The following ROBO2 variants were observed in gnomAD, a reference collection of about 807,000 sequenced individuals.
ROBO2 encodes the protein roundabout guidance receptor 2.
Under a neutral mutation model 160.8 loss-of-function variants are expected in ROBO2, and 53 were observed. The observed-to-expected ratio is 0.33, with a 90% confidence interval of 0.26 to 0.41. ROBO2 has a LOEUF of 0.41. Ranked by LOEUF, ROBO2 falls within the 10% of genes least tolerant of loss-of-function variation. The pLI, the probability that ROBO2 is intolerant of heterozygous loss-of-function variation, is 1.00. For missense variants in ROBO2, 1,577 were observed against 1,722.4 expected, an observed-to-expected ratio of 0.92 and a Z score of 1.49; for synonymous variants, 664 against 611.7, an observed-to-expected ratio of 1.09 and a Z score of -1.26.
At chr3:76,695,206 A>T (rs1021638150) in intron 2 of ROBO2, among the ~76,000 whole-genome samples, 1 of 152,172 alleles carries the variant, frequency 6.6e-6, no homozygotes, top group African/African-American at 2.4e-5. Context: ...TTGGGCACAG[A>T]TAATGAACCC....
At chr3:76,374,135 T>G (rs1255300502) in intron 2 of ROBO2, among the ~76,000 whole-genome samples, 1 of 151,924 alleles carries the variant, frequency 6.6e-6, no homozygotes, top group African/African-American at 2.4e-5. Context: ...AAACTTGTAT[T>G]CAATATATGG....
At chr3:77,361,342 T>A (rs1313250996) in intron 2 of ROBO2, among the ~76,000 whole-genome samples, 1 of 152,192 alleles carries the variant, frequency 6.6e-6, no homozygotes, top group Non-Finnish European at 1.5e-5. Context: ...TTCACTATTT[T>A]TTTCTTTGTT....
intron 2 of ROBO2, among the ~76,000 whole-genome samples, chr3:76,692,767 C>G (rs2092829590): frequency 6.6e-6 from 1 of 151,772 alleles, no homozygotes; most frequent in Admixed American, 6.6e-5. Flanking sequence ...ATGCATAATC[C>G]AAGTCACTTT....
rs550019729 is a variant in ROBO2 at position 76,798,884 on chromosome 3, C to A, written c.110-299130C>A. ...CTCCAACCTGGGTGACAGAGTGAGA[C>A]CTTTTCTAAACAACAACAACAACAA... On this transcript the variant is annotated intron_variant, in intron 2 of 26. Coordinates refer to the ROBO2 transcript ENST00000487694. 7.1e-3 allele frequency among the ~76,000 whole-genome samples: 890 copies of A among 125,258 alleles called. 10 individuals carry two copies. Among genetic ancestry groups the A allele is most frequent in the African/African-American group, 0.028 (846 of 30,396 alleles). 82.2% of individuals were successfully genotyped at this position (125,258 alleles called of 152,430 possible).
chr3:77,476,368 ATG>A (rs60219148), intron 2 of ROBO2, among the ~76,000 whole-genome samples: 4,381 of 144,012 alleles, frequency 0.03, 159 homozygotes, highest in African/African-American at 0.095. Flanking sequence ...GTCTGTGGGT[ATG>A]TGTGTGTGTG....
intron 2 of ROBO2, among the ~76,000 whole-genome samples, chr3:76,623,131 T>C (rs1166690247): frequency 6.6e-6 from 1 of 152,228 alleles, no homozygotes; most frequent in Non-Finnish European, 1.5e-5. Flanking sequence ...CACTTGCGAC[T>C]GAATAACAAA....
At chr3:75,982,016 A>G (rs930456654) in intron 2 of ROBO2, among the ~76,000 whole-genome samples, 1 of 151,536 alleles carries the variant, frequency 6.6e-6, no homozygotes, top group Admixed American at 6.6e-5. Context: ...AATTGAGAAC[A>G]TGTGATGTTT....
intron 2 of ROBO2, among the ~76,000 whole-genome samples, chr3:76,657,829 ATGTATATG>A: frequency 6.8e-6 from 1 of 147,980 alleles, no homozygotes; most frequent in East Asian, 2.0e-4. Flanking sequence ...GTGTATATAT[ATGTATATG>A]TGTATATGTA....
At chr3:76,912,790 C>G (rs2076070748) in intron 2 of ROBO2, among the ~76,000 whole-genome samples, 1 of 152,054 alleles carries the variant, frequency 6.6e-6, no homozygotes, top group Non-Finnish European at 1.5e-5. Flanking sequence ...GCAAAGAAAA[C>G]TTTTAAACAA....
chr3:77,377,346 T>C (rs2072828262), intron 2 of ROBO2, among the ~76,000 whole-genome samples: 1 of 152,194 alleles, frequency 6.6e-6, no homozygotes, highest in Admixed American at 6.5e-5. Flanking sequence ...TTTTGTGAAA[T>C]ACACCAACAA....
At chr3:76,653,976 T>A (rs1461495798) in intron 2 of ROBO2, among the ~76,000 whole-genome samples, 2 of 152,144 alleles carry the variant, frequency 1.3e-5, no homozygotes, top group Non-Finnish European at 2.9e-5. Context: ...AGGCAAGGCT[T>A]CCAAACTGAG....
intron 2 of ROBO2, among the ~76,000 whole-genome samples, chr3:76,631,805 G>A (rs2090048393): frequency 6.6e-6 from 1 of 152,164 alleles, no homozygotes; most frequent in Non-Finnish European, 1.5e-5. Context: ...ATGAAGAGGA[G>A]GAGTAGATAA....
chr3:76,137,404 AC>A (rs929963442), intron 2 of ROBO2, among the ~76,000 whole-genome samples: 34 of 152,052 alleles, frequency 2.2e-4, no homozygotes, highest in Admixed American at 5.9e-4. Context: ...TTGTTCTCAT[AC>A]AGTTGTGGAC....
chr3:76,167,406 G>T (rs139887488), intron 2 of ROBO2, among the ~76,000 whole-genome samples: 1 of 152,136 alleles, frequency 6.6e-6, no homozygotes, highest in African/African-American at 2.4e-5. Context: ...GGAACCAGCC[G>T]TTCTGTTAAG....
Position 77,250,156 on chromosome 3 carries a change from G to C in ROBO2, c.388+151816G>C, listed in dbSNP as rs150385187. Among the ~76,000 whole-genome samples, 915 of 152,200 alleles carry C rather than the reference G, an allele frequency of 6.0e-3. 5 individuals are homozygous for C. Among genetic ancestry groups the C allele is most frequent in the African/African-American group, 0.019 (799 of 41,526 alleles). On this transcript the variant is annotated intron_variant, in intron 2 of 25. Coordinates refer to ENST00000461745, the Ensembl canonical transcript of ROBO2. ...AGAATAACATATTAATTTAAATCTA[G>C]AAAGGCCTAGAACTGAATTCTGTCT...
At chr3:77,611,175 G>A (rs998219476) in intron 21 of ROBO2, among the ~76,000 whole-genome samples, 8 of 151,992 alleles carry the variant, frequency 5.3e-5, no homozygotes, top group Non-Finnish European at 1.2e-4. Flanking sequence ...GCGGCCGCCT[G>A]TAGTCCCAGC....
chr3:76,740,597 C>CT (rs2093786293), intron 2 of ROBO2, among the ~76,000 whole-genome samples: 1 of 152,078 alleles, frequency 6.6e-6, no homozygotes, highest in Non-Finnish European at 1.5e-5. Context: ...AAAGCTTTGA[C>CT]TTTGATGACT....
At position 76,846,117 on chromosome 3, in the gene ROBO2, G is replaced by A. The variant is rs531671818; in HGVS notation, c.110-251897G>A. Among the ~76,000 whole-genome samples, 14 of 152,182 alleles carry A rather than the reference G, an allele frequency of 9.2e-5. No homozygotes were observed. In the East Asian group the frequency reaches 2.7e-3, roughly 29 times the overall value. The stretch of plus-strand genomic sequence containing the variant: ...TTGATGACAGTTGGCATGCAGTACA[G>A]AACCCAAACCTTTATGAAATAAAAC... On this transcript the variant is annotated intron_variant, in intron 2 of 26. Coordinates refer to the ROBO2 transcript ENST00000487694.
chr3:76,455,454 TAA>T (rs1017179350), intron 2 of ROBO2, among the ~76,000 whole-genome samples: 7 of 151,992 alleles, frequency 4.6e-5, no homozygotes, highest in African/African-American at 9.7e-5. Context: ...TTAGAAAAAA[TAA>T]AAAGAGTAAA....
Sources: gnomAD v4.1 joint callset for allele counts (sites outside exome capture counted in the v4.1 genomes callset) on GRCh38, gnomAD v4.1.1 for gene constraint, MANE v1.5 for transcripts, NCBI Gene and HGNC (gene_info 2026-07-23, HGNC 2026-07-21) for gene names.